The following SPACDR variants were observed in gnomAD, a reference collection of about 807,000 sequenced individuals.
The protein encoded by SPACDR is sperm acrosome developmental regulator.
the SPACDR span, among the ~76,000 whole-genome samples, chr7:100,462,481 G>A: frequency 6.6e-6 from 1 of 151,378 alleles, no homozygotes. Context: ...CCAAAGTGCT[G>A]GGATTACAGG....
chr7:100,457,791 T>TTATATA, the SPACDR span, among the ~76,000 whole-genome samples: 1 of 107,568 alleles, frequency 9.3e-6, no homozygotes, highest in African/African-American at 3.7e-5. Context: ...CGGCTAACTT[T>TTATATA]TATATATATA....
At chr7:100,463,868 G>A in the SPACDR span, 1 of 1,423,776 alleles carries the variant, frequency 7.0e-7, no homozygotes, top group African/African-American at 1.4e-5. Context: ...TTGGCCACAG[G>A]CCAGGAAGGG....
At chr7:100,460,129 T>G in the SPACDR span, among the ~76,000 whole-genome samples, 3 of 152,116 alleles carry the variant, frequency 2.0e-5, no homozygotes, top group South Asian at 6.3e-4. Flanking sequence ...GACCTTGTGA[T>G]CCACCTGCCT....
the SPACDR span, among the ~76,000 whole-genome samples, chr7:100,461,349 T>C: frequency 4.6e-5 from 7 of 152,072 alleles, no homozygotes; most frequent in African/African-American, 7.2e-5. Context: ...CGATCTCGGC[T>C]CACTGCAGCC....
the SPACDR span, chr7:100,463,512 A>C: frequency 1.2e-6 from 2 of 1,613,960 alleles, no homozygotes; most frequent in South Asian, 1.1e-5. Context: ...GCCAACACGC[A>C]GGGATCTGCC....
the SPACDR span, among the ~76,000 whole-genome samples, chr7:100,457,803 A>ATATGTGTGTGTGTGTGTG: frequency 6.1e-4 from 44 of 72,590 alleles, no homozygotes; most frequent in Admixed American, 1.9e-3. Flanking sequence ...ATATATATAT[A>ATATGTGTGTGTGTGTGTG]TGTGTGTGTG....
chr7:100,457,008 G>A, the SPACDR span: 3 of 1,571,896 alleles, frequency 1.9e-6, no homozygotes, highest in South Asian at 3.4e-5. Flanking sequence ...GAGAAGATGT[G>A]CATGCGTAAA....
chr7:100,462,049 T>C, the SPACDR span, among the ~76,000 whole-genome samples: 1 of 150,868 alleles, frequency 6.6e-6, no homozygotes, highest in Non-Finnish European at 1.5e-5. Flanking sequence ...GCCTCTCTCC[T>C]GGGGTCCTAC....
the SPACDR span, chr7:100,464,100 GGGGT>G: frequency 4.7e-6 from 7 of 1,503,208 alleles, no homozygotes; most frequent in Non-Finnish European, 6.2e-6. Flanking sequence ...GGTGGGGGAT[GGGGT>G]GGGCTGTGGG....
the SPACDR span, among the ~76,000 whole-genome samples, chr7:100,461,982 G>A: frequency 8.6e-6 from 1 of 116,306 alleles, no homozygotes; most frequent in Admixed American, 9.8e-5. Context: ...GACAGACTCC[G>A]TCTCAAAAAA....
chr7:100,462,136 G>C, the SPACDR span, among the ~76,000 whole-genome samples: 2 of 152,164 alleles, frequency 1.3e-5, no homozygotes, highest in Non-Finnish European at 2.9e-5. Flanking sequence ...CTGTAGCCCT[G>C]CAAGTCTGCA....
chr7:100,463,316 C>T, the SPACDR span: 2 of 1,448,624 alleles, frequency 1.4e-6, no homozygotes, highest in Non-Finnish European at 1.9e-6. Context: ...AGGGGTGAGT[C>T]ACTGGGGGCT....
chr7:100,463,280 C>T, the SPACDR span: 2 of 1,197,584 alleles, frequency 1.7e-6, no homozygotes. Flanking sequence ...GGCCAGGAAA[C>T]AATTGTTGAA....
At chr7:100,463,988 C>T in the SPACDR span, 13 of 1,607,828 alleles carry the variant, frequency 8.1e-6, no homozygotes, top group East Asian at 2.2e-5. Flanking sequence ...TTGCCAAGCC[C>T]GTCTAACCCA....
chr7:100,457,797 A>ATGTG, the SPACDR span, among the ~76,000 whole-genome samples: 115 of 22,060 alleles, frequency 5.2e-3, 1 homozygote, highest in African/African-American at 0.014. Flanking sequence ...ACTTTTATAT[A>ATGTG]TATATATGTG....
the SPACDR span, chr7:100,463,479 C>A: frequency 6.2e-7 from 1 of 1,613,890 alleles, no homozygotes; most frequent in Non-Finnish European, 8.5e-7. Flanking sequence ...CCCAGCTCCA[C>A]CTCGGTCTCC....
chr7:100,457,795 A>ATGTG, the SPACDR span, among the ~76,000 whole-genome samples: 1 of 55,052 alleles, frequency 1.8e-5, no homozygotes, highest in African/African-American at 8.7e-5. Flanking sequence ...TAACTTTTAT[A>ATGTG]TATATATATG....
chr7:100,463,555 C>T, the SPACDR span: 1 of 1,613,904 alleles, frequency 6.2e-7, no homozygotes, highest in Non-Finnish European at 8.5e-7. Context: ...TGGGCTTAGC[C>T]TCTTTTGGGA....
the SPACDR span, chr7:100,456,850 T>C: frequency 2.0e-5 from 32 of 1,613,258 alleles, no homozygotes; most frequent in Non-Finnish European, 2.5e-5. Flanking sequence ...CTCTCCTGCC[T>C]GCGGTACAGC....
Sources: allele counts gnomAD v4.1 joint callset (sites outside exome capture counted in the v4.1 genomes callset), GRCh38; gene constraint gnomAD v4.1.1; transcripts MANE v1.5; gene names NCBI Gene and HGNC (gene_info 2026-07-23, HGNC 2026-07-21).